GALNT17: variants seen among roughly 807,000 people sequenced by gnomAD.
The protein encoded by GALNT17 is polypeptide N-acetylgalactosaminyltransferase 17.
Under a neutral mutation model 63.7 loss-of-function variants are expected in GALNT17, and 29 were observed. The observed-to-expected ratio is 0.46, with a 90% CI of 0.34 to 0.62. The LOEUF is 0.62. Among genes scored for constraint, GALNT17 ranks in the 20% least tolerant of loss-of-function variants. GALNT17 has a pLI of 0.01. For missense variants in GALNT17, 603 were observed against 799.6 expected (o/e 0.75, Z 2.97); for synonymous variants, 305 against 318.3 (o/e 0.96, Z 0.45).
chr7:71,371,776 A>G (rs1311501518), intron 2 of GALNT17, among the ~76,000 whole-genome samples: 1 of 152,166 alleles, frequency 6.6e-6, no homozygotes, highest in Non-Finnish European at 1.5e-5. Context: ...TTTGGAAGGG[A>G]GACGTGCACT....
intron 6 of GALNT17, among the ~76,000 whole-genome samples, chr7:71,575,610 G>A (rs56314565): frequency 0.067 from 10,191 of 152,018 alleles, 370 homozygotes; most frequent in South Asian, 0.12. Flanking sequence ...GGATGGTCTC[G>A]ATCTCCTGAC....
At chr7:71,497,502 C>T (rs963897705) in intron 5 of GALNT17, among the ~76,000 whole-genome samples, 1 of 152,320 alleles carries the variant, frequency 6.6e-6, no homozygotes, top group African/African-American at 2.4e-5. Context: ...CACCGAATTA[C>T]GGCCCACTCT....
intron 5 of GALNT17, among the ~76,000 whole-genome samples, chr7:71,433,461 A>G (rs570990256): frequency 1.6e-4 from 24 of 152,364 alleles, no homozygotes; most frequent in South Asian, 4.1e-4. Flanking sequence ...GCATAACTCT[A>G]TGACTATACT....
At chr7:71,361,586 G>A (rs542584985) in intron 2 of GALNT17, among the ~76,000 whole-genome samples, 3 of 152,248 alleles carry the variant, frequency 2.0e-5, no homozygotes, top group Non-Finnish European at 4.4e-5. Context: ...CCCTGGCTAC[G>A]AGGAGTTTTT....
intron 1 of GALNT17, among the ~76,000 whole-genome samples, chr7:71,181,188 T>C (rs1412184628): frequency 2.1e-5 from 3 of 144,862 alleles, no homozygotes; most frequent in African/African-American, 7.8e-5. Context: ...CCAGGAGGCA[T>C]AGGTTACAGT....
intron 5 of GALNT17, among the ~76,000 whole-genome samples, chr7:71,464,814 C>T (rs1418083942): frequency 6.6e-6 from 1 of 152,080 alleles, no homozygotes; most frequent in Admixed American, 6.6e-5. Flanking sequence ...CTTGTCTAGT[C>T]TTGTTCTCCC....
chr7:71,343,868 T>C (rs571061230), intron 2 of GALNT17, among the ~76,000 whole-genome samples: 1 of 152,330 alleles, frequency 6.6e-6, no homozygotes, highest in African/African-American at 2.4e-5. Flanking sequence ...ATGCTTTTTG[T>C]ATATAAGTAG....
chr7:71,239,300 C>CG (rs925605453), intron 1 of GALNT17, among the ~76,000 whole-genome samples: 1 of 90,780 alleles, frequency 1.1e-5, no homozygotes, highest in Non-Finnish European at 2.2e-5. Context: ...TCTGTACCCC[C>CG]CCCCAAAAAA....
rs534313444 is a variant in GALNT17 at position 71,199,061 on chromosome 7, C to T, written c.238+66021C>T. 8.6e-4 allele frequency among the ~76,000 whole-genome samples: 131 copies of T among 152,234 alleles called. 1 individual carries two copies. The highest frequency in any genetic ancestry group is 4.0e-3 in the Admixed American group (61 of 15,290). ...TACTTTGAGAACCTCTATGTGGCCGCGGCCTCTATCAGAGCATAACCGGGC... is the reference window on the plus strand; with the variant it reads ...TACTTTGAGAACCTCTATGTGGCCGTGGCCTCTATCAGAGCATAACCGGGC... On this transcript the variant is annotated intron_variant, in intron 1 of 10. Coordinates refer to ENST00000333538, the MANE Select transcript of GALNT17 (RefSeq NM_022479.3).
At chr7:71,703,046 A>G (rs1010603096) in intron 9 of GALNT17, among the ~76,000 whole-genome samples, 14 of 152,238 alleles carry the variant, frequency 9.2e-5, no homozygotes, top group African/African-American at 3.4e-4. Flanking sequence ...GTTTGGAGAT[A>G]GAAGTTTCAA....
chr7:71,660,883 C>T (rs891492954), intron 6 of GALNT17, among the ~76,000 whole-genome samples: 8 of 152,184 alleles, frequency 5.3e-5, no homozygotes, highest in African/African-American at 1.7e-4. Context: ...TGGTGATCAC[C>T]CCCAGCCAAC....
chr7:71,640,852 A>G (rs566941547), intron 6 of GALNT17, among the ~76,000 whole-genome samples: 2 of 152,152 alleles, frequency 1.3e-5, no homozygotes, highest in South Asian at 2.1e-4. Flanking sequence ...TCTCAAAAAA[A>G]AAAAAACTAA....
chr7:71,272,668 C>T (rs1583818644), intron 1 of GALNT17, among the ~76,000 whole-genome samples: 1 of 152,180 alleles, frequency 6.6e-6, no homozygotes, highest in African/African-American at 2.4e-5. Flanking sequence ...AGCAGGATTC[C>T]CTGTTTAGAT....
chr7:71,432,710 G>A (rs1378117956), intron 5 of GALNT17, among the ~76,000 whole-genome samples: 1 of 152,146 alleles, frequency 6.6e-6, no homozygotes, highest in Non-Finnish European at 1.5e-5. Context: ...GCTCTGGTCT[G>A]TAATCTTAGC....
rs1262092931 is a variant in GALNT17, at chr7:71,534,243, CCTT to C, written c.963-37038_963-37036del. Among the ~76,000 whole-genome samples the C allele has an allele frequency of 7.2e-5, 11 of 152,126 alleles. No homozygotes were observed. The South Asian group carries it at 1.9e-3, about 26-fold the overall frequency. On this transcript the variant is annotated intron_variant, in intron 5 of 10. Coordinates refer to ENST00000333538, the MANE Select transcript of GALNT17 (RefSeq NM_022479.3). ...ATGGCAGAAGGAGAAGCAAATGTGT[CCTT>C]CTTTACATGGGGGTAGCATGGAGAA... is the stretch of plus-strand genomic sequence containing the variant.
At chr7:71,135,900 T>C (rs1787775634) in intron 1 of GALNT17, among the ~76,000 whole-genome samples, 1 of 152,042 alleles carries the variant, frequency 6.6e-6, no homozygotes, top group African/African-American at 2.4e-5. Context: ...AAGGCTGAGT[T>C]TTCCTGACTT....
intron 2 of GALNT17, among the ~76,000 whole-genome samples, chr7:71,377,622 C>T (rs539243351): frequency 1.1e-4 from 16 of 152,270 alleles, no homozygotes; most frequent in Admixed American, 8.5e-4. Flanking sequence ...GTCCATGCAC[C>T]CACAATGATA....
intron 1 of GALNT17, among the ~76,000 whole-genome samples, chr7:71,244,737 C>T (rs906562064): frequency 6.6e-6 from 1 of 152,074 alleles, no homozygotes; most frequent in African/African-American, 2.4e-5. Context: ...TCATTTAAGG[C>T]CAGGAACTGG....
At chr7:71,540,328 G>A (rs1788868808) in intron 5 of GALNT17, among the ~76,000 whole-genome samples, 2 of 151,312 alleles carry the variant, frequency 1.3e-5, no homozygotes, top group Admixed American at 1.3e-4. Flanking sequence ...TGTTGGCCAG[G>A]CTGGTCTCGA....
Sources: gnomAD v4.1 joint callset for allele counts (sites outside exome capture counted in the v4.1 genomes callset) on GRCh38, gnomAD v4.1.1 for gene constraint, MANE v1.5 for transcripts, NCBI Gene and HGNC (gene_info 2026-07-23, HGNC 2026-07-21) for gene names.